GRIN2B: variants seen among roughly 807,000 people sequenced by gnomAD.
GRIN2B encodes glutamate ionotropic receptor NMDA type subunit 2B.
In GRIN2B, 5 loss-of-function variants were observed where a neutral mutation model predicts 114.5. The observed-to-expected ratio is 0.04, with a 90% CI of 0.02 to 0.09. GRIN2B has a LOEUF of 0.09. Ranked by LOEUF, GRIN2B falls within the 10% of genes least tolerant of loss-of-function variation. The pLI is 1.00. For synonymous variants in GRIN2B, 787 were observed against 745.1 expected (o/e 1.06, Z -0.92); for missense variants, 1,108 against 1,943.5 (o/e 0.57, Z 8.08).
intron 4 of GRIN2B, among the ~76,000 whole-genome samples, chr12:13,747,903 A>T (rs1005313721): frequency 3.9e-5 from 6 of 152,184 alleles, no homozygotes; most frequent in African/African-American, 1.4e-4. Context: ...AGCACTTTCC[A>T]GGCCAAGAGT....
intron 10 of GRIN2B, among the ~76,000 whole-genome samples, chr12:13,576,095 T>A (rs572117993): frequency 9.8e-5 from 15 of 152,322 alleles, no homozygotes; most frequent in Non-Finnish European, 2.1e-4. Context: ...AGCAGTGAGT[T>A]TGCCTTTTCT....
intron 2 of GRIN2B, among the ~76,000 whole-genome samples, chr12:13,976,652 T>C (rs1863025903): frequency 6.6e-6 from 1 of 152,208 alleles, no homozygotes; most frequent in Non-Finnish European, 1.5e-5. Flanking sequence ...ATTTGTCCTT[T>C]CACCTGTCTC....
Position 13,562,782 on chromosome 12 carries a change from C to T in GRIN2B, c.*1G>A. On this transcript the variant is annotated 3_prime_UTR_variant, in exon 14 of 14. Coordinates refer to ENST00000609686, the MANE Select transcript of GRIN2B (RefSeq NM_000834.5). ...CCACCTTAACCTCTCTGTTCCCTCA[C>T]TCAGACATCAGACTCAATACTAGAA... 1 of 1,612,784 alleles carries T rather than the reference C, an allele frequency of 6.2e-7. No individual in the cohort carries two copies. Among genetic ancestry groups the T allele is most frequent in the Non-Finnish European group, 8.5e-7 (1 of 1,178,708 alleles).
intron 2 of GRIN2B, among the ~76,000 whole-genome samples, chr12:13,965,128 T>G (rs1258879972): frequency 6.6e-6 from 1 of 152,216 alleles, no homozygotes; most frequent in Admixed American, 6.5e-5. Flanking sequence ...TTACTTTTCC[T>G]TAATTACATA....
At chr12:13,828,392 A>C (rs2160732) in intron 3 of GRIN2B, among the ~76,000 whole-genome samples, 46,832 of 151,968 alleles carry the variant, frequency 0.31, 7,542 homozygotes, top group Non-Finnish European at 0.34. Flanking sequence ...GTTTTTTTCC[A>C]CAGAAAGTAA....
intron 2 of GRIN2B, among the ~76,000 whole-genome samples, chr12:13,890,486 G>A (rs976604783): frequency 2.0e-5 from 3 of 152,134 alleles, no homozygotes; most frequent in African/African-American, 7.2e-5. Flanking sequence ...TACCCCATGC[G>A]CCCAGTGGCA....
intron 5 of GRIN2B, among the ~76,000 whole-genome samples, chr12:13,671,591 A>G (rs1950022665): frequency 6.6e-6 from 1 of 152,158 alleles, no homozygotes; most frequent in South Asian, 2.1e-4. Flanking sequence ...GGCCTCCCTG[A>G]CAATTCCCCC....
rs547126440 is a variant in GRIN2B, at chr12:13,560,245, CA to C, written c.*2537del. 3 of 151,980 alleles carry C rather than the reference CA, an allele frequency of 2.0e-5. No individual in the cohort carries two copies. The East Asian group carries it at 5.8e-4, about 29-fold the overall frequency. The allele number at this position is 151,980 out of a possible 1,614,324, so 9.4% of individuals were successfully genotyped here. On this transcript the variant is annotated 3_prime_UTR_variant, in exon 14 of 14. Coordinates refer to ENST00000609686, the MANE Select transcript of GRIN2B (RefSeq NM_000834.5). ...TTCGCTTTTTCCAGACACCCTGAAG[CA>C]AAAAAGCCATACAAAACAATTCCCC...
At chr12:13,800,787 T>C (rs923197901) in intron 3 of GRIN2B, among the ~76,000 whole-genome samples, 1 of 152,204 alleles carries the variant, frequency 6.6e-6, no homozygotes, top group Non-Finnish European at 1.5e-5. Flanking sequence ...ATGTTCACAA[T>C]GATCTAATTA....
At chr12:13,742,130 A>G (rs986922820) in intron 4 of GRIN2B, among the ~76,000 whole-genome samples, 2 of 152,192 alleles carry the variant, frequency 1.3e-5, no homozygotes, top group African/African-American at 4.8e-5. Flanking sequence ...CTTAACAATG[A>G]CTATGCTTTT....
chr12:13,887,203 A>G (rs1380685587), intron 2 of GRIN2B, among the ~76,000 whole-genome samples: 1 of 152,242 alleles, frequency 6.6e-6, no homozygotes, highest in Non-Finnish European at 1.5e-5. Flanking sequence ...TACAGGAGAA[A>G]CAAAGACACA....
intron 3 of GRIN2B, among the ~76,000 whole-genome samples, chr12:13,762,551 C>T (rs549201881): frequency 1.5e-3 from 221 of 152,266 alleles, no homozygotes; most frequent in Admixed American, 1.6e-3. Flanking sequence ...CAGAACATCA[C>T]GTTCATATAC....
intron 2 of GRIN2B, among the ~76,000 whole-genome samples, chr12:13,888,780 C>T (rs1866209103): frequency 1.9e-5 from 2 of 102,640 alleles, no homozygotes; most frequent in East Asian, 2.3e-4. Flanking sequence ...TTTTTTAAAA[C>T]GGTATAAAAG....
intron 2 of GRIN2B, among the ~76,000 whole-genome samples, chr12:13,939,168 T>C (rs1867187005): frequency 6.6e-6 from 1 of 152,202 alleles, no homozygotes; most frequent in Non-Finnish European, 1.5e-5. Context: ...TATAAAAATC[T>C]AGTTTTTAAA....
intron 5 of GRIN2B, among the ~76,000 whole-genome samples, chr12:13,669,966 T>C (rs1950008294): frequency 6.6e-6 from 1 of 152,062 alleles, no homozygotes; most frequent in African/African-American, 2.4e-5. Context: ...CCTTAGCCTG[T>C]CTTATTTATT....
intron 4 of GRIN2B, among the ~76,000 whole-genome samples, chr12:13,687,867 A>G (rs908920990): frequency 2.6e-5 from 4 of 152,188 alleles, no homozygotes; most frequent in Admixed American, 1.3e-4. Flanking sequence ...ATAGTTTCAG[A>G]ACTTTGTCTC....
At position 13,553,568 on chromosome 12, in the gene GRIN2B, G is replaced by A. The variant is rs2193149; in HGVS notation, c.*9215C>T. 26,344 of 152,158 alleles carry A rather than the reference G, an allele frequency of 0.17. 2,593 individuals carry two copies. The highest frequency in any genetic ancestry group is 0.32 in the East Asian group (1,653 of 5,136). The allele number at this position is 152,158 out of a possible 1,614,324, so 9.4% of individuals were successfully genotyped here. A position where few individuals can be genotyped will look rare whatever the true frequency, so the allele number is the denominator to read the frequency against. On this transcript the variant is annotated 3_prime_UTR_variant, in exon 14 of 14. Coordinates refer to ENST00000609686, the MANE Select transcript of GRIN2B (RefSeq NM_000834.5). ...CCAAGGCCACAAATGTGGAAGTAGCGTGTGGTGAAATACAGTGGTCCTGTT... is the reference window on the plus strand; with the variant it reads ...CCAAGGCCACAAATGTGGAAGTAGCATGTGGTGAAATACAGTGGTCCTGTT...
chr12:13,950,716 C>G (rs1867464745), intron 2 of GRIN2B, among the ~76,000 whole-genome samples: 1 of 152,146 alleles, frequency 6.6e-6, no homozygotes, highest in Non-Finnish European at 1.5e-5. Context: ...GCTCTCTGAG[C>G]CTACTCTCAT....
intron 2 of GRIN2B, among the ~76,000 whole-genome samples, chr12:13,880,447 C>T (rs1866054572): frequency 6.6e-6 from 1 of 152,098 alleles, no homozygotes; most frequent in South Asian, 2.1e-4. Flanking sequence ...AATGGAAGAT[C>T]GGGAGGAAGA....
Sources: gnomAD v4.1 joint callset for allele counts (sites outside exome capture counted in the v4.1 genomes callset) on GRCh38, gnomAD v4.1.1 for gene constraint, MANE v1.5 for transcripts, NCBI Gene and HGNC (gene_info 2026-07-23, HGNC 2026-07-21) for gene names.